HDAC4: variants seen among roughly 807,000 people sequenced by gnomAD.
HDAC4 encodes histone deacetylase A.
A neutral mutation model predicts 135.1 loss-of-function variants in HDAC4; 16 were observed. The ratio of observed to expected loss-of-function variants is 0.12; its 90% CI spans 0.08 to 0.18. The LOEUF (loss-of-function observed/expected upper bound fraction) is 0.18, where lower values mean the gene tolerates loss of function less well. HDAC4 is among the 10% of genes least tolerant of loss of function. The pLI, the probability that HDAC4 is intolerant of heterozygous loss-of-function variation, is 1.00. For missense variants in HDAC4, 1,143 were observed against 1,511.8 expected, an observed-to-expected ratio of 0.76 and a Z score of 4.05; for synonymous variants, 685 against 653.4, an observed-to-expected ratio of 1.05 and a Z score of -0.74.
chr2:239,117,047 G>C (rs1490169578), intron 12 of HDAC4, among the ~76,000 whole-genome samples: 1 of 152,208 alleles, frequency 6.6e-6, no homozygotes. Context: ...ACGTGGCACA[G>C]GCATTGCTCA....
At chr2:239,134,962 T>C (rs2040847845) in intron 9 of HDAC4, among the ~76,000 whole-genome samples, 1 of 152,244 alleles carries the variant, frequency 6.6e-6, no homozygotes. Context: ...CTAATATAGT[T>C]TACAATGCCG....
chr2:239,243,892 G>A (rs377521365), intron 2 of HDAC4, among the ~76,000 whole-genome samples: 44 of 152,258 alleles, frequency 2.9e-4, no homozygotes, highest in African/African-American at 2.4e-4. Flanking sequence ...GATTTCCTCC[G>A]TTTTTCCCTG....
At chr2:239,250,273 G>A (rs1190263080) in intron 2 of HDAC4, among the ~76,000 whole-genome samples, 1 of 152,242 alleles carries the variant, frequency 6.6e-6, no homozygotes, top group Admixed American at 6.5e-5. Flanking sequence ...TCGGCCCCCA[G>A]GGGTCCGAGA....
At chr2:239,089,727 G>A (rs2036318826) in intron 18 of HDAC4, 1 of 416,792 alleles carries the variant, frequency 2.4e-6, no homozygotes, top group Middle Eastern at 6.6e-4. Flanking sequence ...GCTCTTTGGA[G>A]CTTTTTTTTT....
Position 239,117,400 on chromosome 2 carries a change from G to T in HDAC4, c.1534-2090C>A, listed in dbSNP as rs541461289. Among the ~76,000 whole-genome samples the T allele has an allele frequency of 1.5e-3, 231 of 152,276 alleles. 1 individual carries two copies. Among genetic ancestry groups the T allele is most frequent in the Non-Finnish European group, 2.7e-3 (187 of 68,030 alleles). On this transcript the variant is annotated intron_variant, in intron 12 of 26. Coordinates refer to ENST00000543185, the MANE Select transcript of HDAC4 (RefSeq NM_001378414.1). ...CAAAAAGGAAGCAGCTCTAGGCCCAGGGACAGACTGCATATGGAGAGGCAA... is the reference window on the plus strand; with the variant it reads ...CAAAAAGGAAGCAGCTCTAGGCCCATGGACAGACTGCATATGGAGAGGCAA...
chr2:239,057,068 A>G (rs1252313967), intron 24 of HDAC4, among the ~76,000 whole-genome samples: 1 of 152,214 alleles, frequency 6.6e-6, no homozygotes, highest in Non-Finnish European at 1.5e-5. Flanking sequence ...GTGACATCCA[A>G]ATACATTCTG....
chr2:239,134,180 C>T (rs1021517283), intron 11 of HDAC4, 65 bp downstream of exon 11: 82 of 1,344,932 alleles, frequency 6.1e-5, no homozygotes, highest in Non-Finnish European at 8.6e-5. Context: ...CAGGCGAAGG[C>T]GGGGCACCAT....
rs139190002 is a variant in HDAC4, at chr2:239,086,876, C to A, written c.2444+683G>T. 3.9e-3 allele frequency among the ~76,000 whole-genome samples: 588 copies of A among 152,346 alleles called. 7 individuals are homozygous for A. The highest frequency in any genetic ancestry group is 0.013 in the African/African-American group (550 of 41,580). On this transcript the variant is annotated intron_variant, in intron 19 of 26. Coordinates refer to ENST00000543185, the MANE Select transcript of HDAC4 (RefSeq NM_001378414.1). ...TGGGGAGACGCTCTTTCTAGCACCA[C>A]CCCTCCTCACTAGAGCGGCTACCGT... is the stretch of plus-strand genomic sequence containing the variant.
At chr2:239,200,114 TG>T (rs549962845) in intron 3 of HDAC4, among the ~76,000 whole-genome samples, 62 of 152,320 alleles carry the variant, frequency 4.1e-4, no homozygotes, top group African/African-American at 1.4e-3. Context: ...GTCTGGAGAC[TG>T]GGGTAAGCGC....
intron 2 of HDAC4, among the ~76,000 whole-genome samples, chr2:239,328,724 T>C (rs1691332154): frequency 6.6e-6 from 1 of 152,144 alleles, no homozygotes; most frequent in Non-Finnish European, 1.5e-5. Context: ...AAAAGGACTT[T>C]GTCGGGTGCA....
chr2:239,395,110 G>A (rs931949524), intron 1 of HDAC4, among the ~76,000 whole-genome samples: 5 of 152,224 alleles, frequency 3.3e-5, no homozygotes, highest in African/African-American at 7.2e-5. Flanking sequence ...GGGGAACAGT[G>A]TGTGCAAAGG....
chr2:239,102,355 G>C (rs2037745942), intron 16 of HDAC4, among the ~76,000 whole-genome samples: 1 of 152,206 alleles, frequency 6.6e-6, no homozygotes. Context: ...CTTTCAGCCA[G>C]AGCCAAGACA....
intron 1 of HDAC4, among the ~76,000 whole-genome samples, chr2:239,369,167 C>T (rs538366506): frequency 4.3e-4 from 65 of 152,300 alleles, no homozygotes; most frequent in African/African-American, 1.6e-3. Context: ...GGAGGGAAGG[C>T]TTGGACAGAT....
At chr2:239,383,998 CGTGA>C (rs1384122830) in intron 1 of HDAC4, among the ~76,000 whole-genome samples, 1 of 152,204 alleles carries the variant, frequency 6.6e-6, no homozygotes, top group East Asian at 1.9e-4. Context: ...GGCCTACTGA[CGTGA>C]GTAACGAGGC....
At chr2:239,208,326 C>CAAAAAAAAAAAAAAAAAAAAAAAAAA (rs759398313) in intron 3 of HDAC4, among the ~76,000 whole-genome samples, 1 of 68,210 alleles carries the variant, frequency 1.5e-5, no homozygotes. Flanking sequence ...GACTCCGTCC[C>CAAAAAAAAAAAAAAAAAAAAAAAAAA]AAAAAAAAAA....
At chr2:239,159,762 A>AGCT (rs2042673205) in intron 6 of HDAC4, among the ~76,000 whole-genome samples, 1 of 152,212 alleles carries the variant, frequency 6.6e-6, no homozygotes, top group South Asian at 2.1e-4. Flanking sequence ...GAACCTACAG[A>AGCT]GCTGCTCCCT....
chr2:239,347,980 AC>A (rs1443990751), intron 2 of HDAC4, among the ~76,000 whole-genome samples: 1 of 150,798 alleles, frequency 6.6e-6, no homozygotes, highest in African/African-American at 2.4e-5. Flanking sequence ...CAGCAAATGC[AC>A]TGCTTCCTAT....
chr2:239,278,218 A>G (rs901964167), intron 2 of HDAC4, among the ~76,000 whole-genome samples: 2 of 151,936 alleles, frequency 1.3e-5, no homozygotes, highest in Non-Finnish European at 2.9e-5. Flanking sequence ...GTAACAAAGC[A>G]TCAAGCCAAG....
intron 2 of HDAC4, among the ~76,000 whole-genome samples, chr2:239,298,923 C>T (rs905393549): frequency 3.2e-5 from 4 of 124,060 alleles, no homozygotes; most frequent in African/African-American, 9.7e-5. Flanking sequence ...GGCTGGAGTG[C>T]GGTGGCGCCA....
Sources: allele counts gnomAD v4.1 joint callset (sites outside exome capture counted in the v4.1 genomes callset), GRCh38; gene constraint gnomAD v4.1.1; transcripts MANE v1.5; gene names NCBI Gene and HGNC (gene_info 2026-07-23, HGNC 2026-07-21).